PRDM15: variants seen among roughly 807,000 people sequenced by gnomAD.
PRDM15 encodes the protein PR/SET domain 15.
Under a neutral mutation model 128.6 loss-of-function variants are expected in PRDM15, and 64 were observed. The ratio of observed to expected loss-of-function variants is 0.50; its 90% CI spans 0.41 to 0.61. The LOEUF is 0.61. Ranked by LOEUF, PRDM15 falls within the 20% of genes least tolerant of loss-of-function variation. The probability of loss-of-function intolerance (pLI) is 0.00; values close to 1 mark genes in which losing one functional copy is unlikely to be tolerated. For synonymous variants in PRDM15, 615 were observed against 621.8 expected, an observed-to-expected ratio of 0.99 and a Z score of 0.16; for missense variants, 1,242 against 1,569.1, an observed-to-expected ratio of 0.79 and a Z score of 3.52.
chr21:41,817,514 A>G (rs2062094633), intron 18 of PRDM15, among the ~76,000 whole-genome samples: 1 of 152,174 alleles, frequency 6.6e-6, no homozygotes, highest in Non-Finnish European at 1.5e-5. Context: ...GAATTTCTGG[A>G]AAAAAATGTA....
chr21:41,822,422 C>T (rs1601211424), intron 14 of PRDM15, among the ~76,000 whole-genome samples: 1 of 152,226 alleles, frequency 6.6e-6, no homozygotes, highest in Non-Finnish European at 1.5e-5. Context: ...TCCCTGCTCC[C>T]GGGGCTTCTG....
At chr21:41,816,789 A>C (rs1019993068) in intron 18 of PRDM15, among the ~76,000 whole-genome samples, 4 of 152,038 alleles carry the variant, frequency 2.6e-5, no homozygotes, top group Admixed American at 6.5e-5. Context: ...GCCTGCACAC[A>C]CAGCTGCACA....
At chr21:41,864,961 C>T (rs2063950047) in intron 1 of PRDM15, among the ~76,000 whole-genome samples, 1 of 150,182 alleles carries the variant, frequency 6.7e-6, no homozygotes, top group Non-Finnish European at 1.5e-5. Flanking sequence ...CACATGCTCG[C>T]CCCCCAAGGC....
At chr21:41,850,657 C>T (rs1010246999) in intron 5 of PRDM15, among the ~76,000 whole-genome samples, 11 of 152,032 alleles carry the variant, frequency 7.2e-5, no homozygotes, top group African/African-American at 2.4e-4. Flanking sequence ...TCACTTGAGC[C>T]CACGAGGGCG....
In PRDM15 at chr21:41,874,525, AT is replaced by A. The variant is rs61045274; in HGVS notation, c.-10+4744del. ...TGCATATATATATATATATATATAT[AT>A]TTTTTTTTTTTTTTGAAACTTACAA... On this transcript the variant is annotated intron_variant, in intron 1 of 23. Transcript: ENST00000398548. 4.4e-3 allele frequency among the ~76,000 whole-genome samples: 419 copies of A among 95,810 alleles called. 1 individual carries two copies. The highest frequency in any genetic ancestry group is 0.011 in the African/African-American group (265 of 24,118). The allele number at this position is 95,810 out of a possible 152,430, so 62.9% of individuals were successfully genotyped here. A position where few individuals can be genotyped will look rare whatever the true frequency, so the allele number is the denominator to read the frequency against.
chr21:41,836,851 A>T (rs2062914199), intron 8 of PRDM15: 3 of 455,528 alleles, frequency 6.6e-6, no homozygotes, highest in African/African-American at 2.0e-5. Flanking sequence ...GACATTAGGC[A>T]GCTTTAGCTG....
At chr21:41,878,561 G>T in intron 1 of PRDM15, 1 of 458,080 alleles carries the variant, frequency 2.2e-6, no homozygotes, top group South Asian at 3.0e-5. Context: ...CTGAGCGGCC[G>T]GGCACGCCCC....
intron 1 of PRDM15, chr21:41,871,542 G>A: frequency 6.2e-7 from 1 of 1,611,842 alleles, no homozygotes; most frequent in Non-Finnish European, 8.5e-7. Context: ...GCAGGGCTCA[G>A]TGGCTCAGTG....
chr21:41,821,797 C>T lies in PRDM15; in HGVS notation c.1896+106G>A, dbSNP rs2062278199. On this transcript the variant is annotated intron_variant, in intron 15 of 23. Coordinates refer to ENST00000398548, the MANE Select transcript of PRDM15 (RefSeq NM_001040424.3). The surrounding 1 kb of genome is among the most constrained non-coding windows in gnomAD (Gnocchi z 5.4). ...GGCCGGAGCCTTTGGGGAGGGAGGG[C>T]TGCTTCCGAGATGCATGAAGGTGCC... is the stretch of plus-strand genomic sequence containing the variant. 3.6e-6 allele frequency: 5 copies of T among 1,400,636 alleles called. No individual in the cohort carries two copies. The highest frequency in any genetic ancestry group is 4.9e-6 in the Non-Finnish European group (5 of 1,010,936). The allele number at this position is 1,400,636 out of a possible 1,614,324, so 86.8% of individuals were successfully genotyped here. A position where few individuals can be genotyped will look rare whatever the true frequency, so the allele number is the denominator to read the frequency against.
intron 1 of PRDM15, chr21:41,861,568 T>A (rs781527672): frequency 6.3e-7 from 1 of 1,580,014 alleles, no homozygotes; most frequent in South Asian, 1.1e-5. Flanking sequence ...CGCACCGGCA[T>A]GTCCTTCCTG....
chr21:41,845,529 C>T lies in PRDM15; in HGVS notation c.640+1561G>A, dbSNP rs973379401. Among the ~76,000 whole-genome samples, 5 of 151,838 alleles carry T rather than the reference C, an allele frequency of 3.3e-5. No individual in the cohort carries two copies. In the South Asian group the frequency reaches 6.3e-4, roughly 19 times the overall value. On this transcript the variant is annotated intron_variant, in intron 6 of 23. Coordinates refer to ENST00000398548, the MANE Select transcript of PRDM15 (RefSeq NM_001040424.3). Reference sequence around the variant, plus strand: ...CTCCGGTAATCTGGGTGGCAGAGGCCGGGCTGCCCGAGTACCTGGCTCCAG... The same window carrying T: ...CTCCGGTAATCTGGGTGGCAGAGGCTGGGCTGCCCGAGTACCTGGCTCCAG...
chr21:41,854,821 G>A lies in PRDM15; in HGVS notation c.286-3C>T. ...GGGTGCCCGTCCTTCTGGAACACCT[G>A]AAGGTGAGTCGGCCCATGGAGAAGC... On this transcript the variant is annotated splice_region_variant and splice_polypyrimidine_tract_variant and intron_variant, in intron 4 of 23. Coordinates refer to ENST00000398548, the MANE Select transcript of PRDM15 (RefSeq NM_001040424.3). The surrounding 1 kb of genome is among the most constrained non-coding windows in gnomAD (Gnocchi z 4.6). 6.3e-7 allele frequency: 1 copy of A among 1,597,882 alleles called. No individual in the cohort carries two copies.
At position 41,859,080 on chromosome 21, in the gene PRDM15, G is replaced by A. The variant is rs909545534; in HGVS notation, c.131+512C>T. 8.8e-6 allele frequency: 14 copies of A among 1,583,106 alleles called. No individual in the cohort carries two copies. The highest frequency in any genetic ancestry group is 8.0e-5 in the African/African-American group (6 of 74,690). On this transcript the variant is annotated intron_variant, in intron 3 of 23. Coordinates refer to ENST00000398548, the MANE Select transcript of PRDM15 (RefSeq NM_001040424.3). The surrounding 1 kb of genome is among the most constrained non-coding windows in gnomAD (Gnocchi z 5.3). Reference sequence around the variant, plus strand: ...AGCCTCCCCCAGGTGAGGGTGGAACGGCAGGGCAGCTGCTGCCCACTGAGC... The same window carrying A: ...AGCCTCCCCCAGGTGAGGGTGGAACAGCAGGGCAGCTGCTGCCCACTGAGC...
chr21:41,821,374 G>A lies in PRDM15; in HGVS notation c.1897-144C>T, dbSNP rs2062257258. On this transcript the variant is annotated intron_variant, in intron 15 of 23. Coordinates refer to ENST00000398548, the MANE Select transcript of PRDM15 (RefSeq NM_001040424.3). This position sits in a 1 kb window ranked among gnomAD's most constrained non-coding sequence, Gnocchi z 5.4. ...TGCCAGGGTGGAAGGGACTCTCAGA[G>A]GCTTGATGGGGAACTTTTCCGAAGC... The A allele has an allele frequency of 3.1e-6, 3 of 956,096 alleles. No homozygotes were observed. Among genetic ancestry groups the A allele is most frequent in the Admixed American group, 5.0e-5 (2 of 40,236 alleles). 59.2% of individuals were successfully genotyped at this position (956,096 alleles called of 1,614,324 possible). A position where few individuals can be genotyped will look rare whatever the true frequency, so the allele number is the denominator to read the frequency against.
chr21:41,828,441 A>G lies in PRDM15; in HGVS notation c.1367-108T>C. ...ATAAAGCGCGGGTGACGGGCATGAGAGTCACGGGGATGCGTGGCCAGGAAG... is the reference window on the plus strand; with the variant it reads ...ATAAAGCGCGGGTGACGGGCATGAGGGTCACGGGGATGCGTGGCCAGGAAG... On this transcript the variant is annotated intron_variant, in intron 11 of 23. Coordinates refer to ENST00000398548, the MANE Select transcript of PRDM15 (RefSeq NM_001040424.3). The surrounding 1 kb of genome is among the most constrained non-coding windows in gnomAD (Gnocchi z 5.7). 1 of 1,122,850 alleles carries G rather than the reference A, an allele frequency of 8.9e-7. No homozygotes were observed. The highest frequency in any genetic ancestry group is 1.3e-5 in the South Asian group (1 of 74,984). 69.6% of individuals were successfully genotyped at this position (1,122,850 alleles called of 1,614,324 possible).
At chr21:41,867,146 C>T (rs2064037248) in intron 1 of PRDM15, among the ~76,000 whole-genome samples, 1 of 91,804 alleles carries the variant, frequency 1.1e-5, no homozygotes, top group Non-Finnish European at 2.6e-5. Context: ...GCCCAGAAAC[C>T]TCACTGACTA....
In PRDM15 at chr21:41,801,228, C is replaced by G; in HGVS notation, c.*12G>C. 6.6e-7 allele frequency: 1 copy of G among 1,511,654 alleles called. No homozygotes were observed. The highest frequency in any genetic ancestry group is 8.8e-7 in the Non-Finnish European group (1 of 1,134,186). The allele number at this position is 1,511,654 out of a possible 1,614,324, so 93.6% of individuals were successfully genotyped here. A position where few individuals can be genotyped will look rare whatever the true frequency, so the allele number is the denominator to read the frequency against. ...CTCTGCAGTTCTTGCCCCGAGTCTC[C>G]CGGAACGCAGCTCAGTAGCTGTACA... On this transcript the variant is annotated 3_prime_UTR_variant, in exon 24 of 24. Transcript: ENST00000398548.
intron 1 of PRDM15, among the ~76,000 whole-genome samples, chr21:41,865,113 CAT>C: frequency 1.4e-5 from 2 of 138,792 alleles, no homozygotes; most frequent in African/African-American, 5.3e-5. Flanking sequence ...CCCTCTCTGC[CAT>C]GCCTGCTCAC....
chr21:41,817,086 G>GT (rs2062080018), intron 18 of PRDM15, among the ~76,000 whole-genome samples: 1 of 152,092 alleles, frequency 6.6e-6, no homozygotes, highest in Non-Finnish European at 1.5e-5. Flanking sequence ...TGACAGTAAT[G>GT]TTTTTTCTTC....
Sources: allele counts gnomAD v4.1 joint callset (sites outside exome capture counted in the v4.1 genomes callset), GRCh38; gene constraint gnomAD v4.1.1; non-coding constraint Gnocchi (gnomAD v3.1); transcripts MANE v1.5; gene names NCBI Gene and HGNC (gene_info 2026-07-23, HGNC 2026-07-21).